Variants in GRIK1 observed in about 807,000 individuals in gnomAD.
GRIK1 encodes the protein glutamate ionotropic receptor kainate type subunit 1, also known as glutamate receptor ionotropic, kainate 1.
In GRIK1, 69 loss-of-function variants were observed where a neutral mutation model predicts 105.7. The ratio of observed to expected loss-of-function variants is 0.65; its 90% confidence interval spans 0.54 to 0.80. The LOEUF (loss-of-function observed/expected upper bound fraction) is 0.80, where lower values mean the gene tolerates loss of function less well. Ranked by LOEUF, GRIK1 falls within the 30% of genes least tolerant of loss-of-function variation. GRIK1 has a pLI of 0.00. For synonymous variants in GRIK1, 438 were observed against 431.3 expected (o/e 1.02, Z -0.19); for missense variants, 1,109 against 1,167.3 (o/e 0.95, Z 0.73).
At chr21:29,905,960 T>G (rs577436874) in intron 1 of GRIK1, among the ~76,000 whole-genome samples, 1 of 146,436 alleles carries the variant, frequency 6.8e-6, no homozygotes, top group South Asian at 2.1e-4. Context: ...TTTGTTTGTT[T>G]GTTTTAAATA....
At chr21:29,835,791 AT>A (rs917624318) in intron 1 of GRIK1, among the ~76,000 whole-genome samples, 16 of 151,906 alleles carry the variant, frequency 1.1e-4, no homozygotes, top group Non-Finnish European at 2.1e-4. Context: ...TATTTCCTCT[AT>A]TTTTTTTAAC....
rs530203650 is a variant in GRIK1 at position 29,560,935 on chromosome 21, G to A, written c.2356+689C>T. ...TTTCTATAGAGAGGGAAAAAATAGAGAGGGAGTTTTCTATGGAAAGGAAAT... is the reference window on the plus strand; with the variant it reads ...TTTCTATAGAGAGGGAAAAAATAGAAAGGGAGTTTTCTATGGAAAGGAAAT... On this transcript the variant is annotated intron_variant, in intron 15 of 17. Transcript: ENST00000327783. 2.6e-5 allele frequency among the ~76,000 whole-genome samples: 4 copies of A among 152,192 alleles called. No individual in the cohort carries two copies. In the South Asian group the frequency reaches 8.3e-4, roughly 32 times the overall value.
chr21:29,893,333 C>T (rs915368900), intron 1 of GRIK1, among the ~76,000 whole-genome samples: 1 of 152,070 alleles, frequency 6.6e-6, no homozygotes, highest in Non-Finnish European at 1.5e-5. Flanking sequence ...AAGTATGGTG[C>T]AATAGTTATT....
intron 1 of GRIK1, among the ~76,000 whole-genome samples, chr21:29,824,107 G>A (rs2067380487): frequency 6.6e-6 from 1 of 151,872 alleles, no homozygotes; most frequent in African/African-American, 2.4e-5. Context: ...ATGGTGAGAC[G>A]TGGTCTGATG....
intron 1 of GRIK1, among the ~76,000 whole-genome samples, chr21:29,747,715 G>C (rs1184313407): frequency 6.6e-6 from 1 of 152,156 alleles, no homozygotes; most frequent in Non-Finnish European, 1.5e-5. Context: ...TGTAGTTCCA[G>C]CTACTCGGGA....
intron 1 of GRIK1, among the ~76,000 whole-genome samples, chr21:29,929,043 A>G (rs926769780): frequency 6.6e-5 from 10 of 152,240 alleles, no homozygotes; most frequent in African/African-American, 2.2e-4. Context: ...GTTAAATGTA[A>G]TACAGCTGCA....
At chr21:29,691,394 C>A (rs938197790) in intron 2 of GRIK1, among the ~76,000 whole-genome samples, 1 of 152,174 alleles carries the variant, frequency 6.6e-6, no homozygotes, top group Non-Finnish European at 1.5e-5. Context: ...TAGCACTTAC[C>A]TTAGCTCTTA....
intron 3 of GRIK1, among the ~76,000 whole-genome samples, chr21:29,687,737 G>A (rs186575045): frequency 5.5e-4 from 84 of 152,366 alleles, no homozygotes; most frequent in Non-Finnish European, 8.4e-4. Flanking sequence ...CCTGACATCA[G>A]AGAGTGGTTA....
intron 2 of GRIK1, among the ~76,000 whole-genome samples, chr21:29,691,995 C>T (rs1295380104): frequency 1.6e-4 from 25 of 152,094 alleles, no homozygotes; most frequent in Non-Finnish European, 3.5e-4. Flanking sequence ...ATTATTTAGC[C>T]AGATAAAAGG....
intron 1 of GRIK1, among the ~76,000 whole-genome samples, chr21:29,867,856 G>C (rs2068856010): frequency 9.3e-6 from 1 of 107,012 alleles, no homozygotes; most frequent in African/African-American, 3.5e-5. Flanking sequence ...AGGAAAGAGA[G>C]AAAGAGAGAG....
chr21:29,658,770 T>C (rs2146591040), intron 4 of GRIK1, among the ~76,000 whole-genome samples: 1 of 152,314 alleles, frequency 6.6e-6, no homozygotes, highest in East Asian at 1.9e-4. Context: ...AAAGGGTACA[T>C]ACTAGGATTG....
chr21:29,764,610 A>G (rs1006542571), intron 1 of GRIK1, among the ~76,000 whole-genome samples: 1 of 152,198 alleles, frequency 6.6e-6, no homozygotes, highest in African/African-American at 2.4e-5. Flanking sequence ...TTGATGTCCA[A>G]ATTCCCCTAG....
chr21:29,813,487 G>A (rs554204612), intron 1 of GRIK1, among the ~76,000 whole-genome samples: 26 of 152,222 alleles, frequency 1.7e-4, no homozygotes, highest in African/African-American at 4.8e-4. Flanking sequence ...CAATGCACTT[G>A]TGTGTTTTCT....
chr21:29,905,172 G>A (rs2070564825), intron 1 of GRIK1, among the ~76,000 whole-genome samples: 1 of 152,170 alleles, frequency 6.6e-6, no homozygotes, highest in African/African-American at 2.4e-5. Flanking sequence ...TGCTGACTGA[G>A]TGGGGCCAAA....
At chr21:29,611,111 C>T (rs7280021) in intron 7 of GRIK1, among the ~76,000 whole-genome samples, 19 of 152,152 alleles carry the variant, frequency 1.2e-4, no homozygotes, top group African/African-American at 4.1e-4. Flanking sequence ...GACTGTATTT[C>T]GTTTCAAAGT....
chr21:29,825,314 T>C (rs1234114420), intron 1 of GRIK1, among the ~76,000 whole-genome samples: 2 of 152,022 alleles, frequency 1.3e-5, no homozygotes, highest in East Asian at 1.9e-4. Context: ...CATTATGATA[T>C]TGAGAGTATG....
At chr21:29,629,948 C>A (rs2146475383) in intron 7 of GRIK1, among the ~76,000 whole-genome samples, 1 of 152,208 alleles carries the variant, frequency 6.6e-6, no homozygotes, top group Non-Finnish European at 1.5e-5. Context: ...CTGTTGGACA[C>A]CGTGGATTTG....
intron 1 of GRIK1, among the ~76,000 whole-genome samples, chr21:29,912,564 T>C (rs1042130669): frequency 6.6e-6 from 1 of 152,132 alleles, no homozygotes; most frequent in Non-Finnish European, 1.5e-5. Flanking sequence ...TTCTTTCCTC[T>C]TTCAAAAGGT....
intron 1 of GRIK1, among the ~76,000 whole-genome samples, chr21:29,711,872 C>G (rs533071159): frequency 6.6e-6 from 1 of 151,402 alleles, no homozygotes; most frequent in Non-Finnish European, 1.5e-5. Context: ...AACAAAGTAG[C>G]TCAAGTATGT....
Sources: gnomAD v4.1 joint callset for allele counts (sites outside exome capture counted in the v4.1 genomes callset) on GRCh38, gnomAD v4.1.1 for gene constraint, MANE v1.5 for transcripts, NCBI Gene and HGNC (gene_info 2026-07-23, HGNC 2026-07-21) for gene names.